TFCP2L1: variants seen among roughly 807,000 people sequenced by gnomAD.
TFCP2L1 encodes transcription factor CP2-like protein 1.
A neutral mutation model predicts 72.2 loss-of-function variants in TFCP2L1; 12 were observed. That is an observed-to-expected ratio of 0.17 (90% CI 0.11 to 0.27). TFCP2L1 has a LOEUF of 0.27. Ranked by LOEUF, TFCP2L1 falls within the 10% of genes least tolerant of loss-of-function variation. The probability of loss-of-function intolerance (pLI) is 1.00; values close to 1 mark genes in which losing one functional copy is unlikely to be tolerated. For synonymous variants in TFCP2L1, 260 were observed against 251.0 expected, an observed-to-expected ratio of 1.04 and a Z score of -0.34; for missense variants, 488 against 624.6, an observed-to-expected ratio of 0.78 and a Z score of 2.33.
At chr2:121,280,215 C>G (rs1400651206) in intron 2 of TFCP2L1, among the ~76,000 whole-genome samples, 1 of 151,372 alleles carries the variant, frequency 6.6e-6, no homozygotes, top group Non-Finnish European at 1.5e-5. Flanking sequence ...AAAGGCAGCT[C>G]CAAGTCACAG....
intron 2 of TFCP2L1, among the ~76,000 whole-genome samples, chr2:121,251,374 C>T (rs576277919): frequency 6.6e-6 from 1 of 152,272 alleles, no homozygotes; most frequent in East Asian, 1.9e-4. Context: ...TTCGATTTCT[C>T]TGGGTTTTGC....
At chr2:121,250,346 T>TTTTATATA (rs1553433397) in intron 2 of TFCP2L1, among the ~76,000 whole-genome samples, 1 of 142,024 alleles carries the variant, frequency 7.0e-6, no homozygotes, top group African/African-American at 2.7e-5. Context: ...CAGAAGACTG[T>TTTTATATA]TATATATATA....
intron 1 of TFCP2L1, among the ~76,000 whole-genome samples, chr2:121,284,264 C>A (rs1398303778): frequency 6.6e-6 from 1 of 152,180 alleles, no homozygotes; most frequent in Non-Finnish European, 1.5e-5. Context: ...TAAGGACAGG[C>A]TAAAGCTGGT....
In TFCP2L1 at chr2:121,281,226, C is replaced by A. The variant is rs763242950; in HGVS notation, c.108G>T (p.Leu36=). ...LPIFKQEEPQ[L]SPENEARLPP... ...GCAGGCGGGCCTCGTTCTCGGGGGA[C>A]AGCTGGGGTTCCTCCTGCTTGAAGA... Residue 36 remains leucine, a synonymous_variant, in exon 2 of 15, where the codon CTG becomes CTT. Coordinates refer to ENST00000263707, the MANE Select transcript of TFCP2L1 (RefSeq NM_014553.3). 3.8e-5 allele frequency: 61 copies of A among 1,611,722 alleles called. No homozygotes were observed. The highest frequency in any genetic ancestry group is 5.4e-5 in the African/African-American group (4 of 74,752).
intron 1 of TFCP2L1, among the ~76,000 whole-genome samples, chr2:121,283,250 G>C (rs1344669768): frequency 2.0e-5 from 3 of 152,116 alleles, no homozygotes; most frequent in Admixed American, 1.3e-4. Flanking sequence ...GGGAGTAAAG[G>C]CCTCTACCCT....
chr2:121,249,983 C>T (rs116434889), intron 2 of TFCP2L1, among the ~76,000 whole-genome samples: 2,740 of 152,302 alleles, frequency 0.018, 73 homozygotes, highest in African/African-American at 0.062. Context: ...ACAAACCCCC[C>T]AATACAACGG....
chr2:121,242,974 C>G (rs576007730), intron 6 of TFCP2L1, among the ~76,000 whole-genome samples: 1 of 152,190 alleles, frequency 6.6e-6, no homozygotes, highest in African/African-American at 2.4e-5. Context: ...CTTTGCAAAC[C>G]GGGGCAACTT....
intron 8 of TFCP2L1, among the ~76,000 whole-genome samples, chr2:121,239,356 G>A (rs755865): frequency 0.1 from 15,752 of 152,240 alleles, 918 homozygotes; most frequent in Middle Eastern, 0.15. Context: ...GTTCTGGGCC[G>A]CTGTCCCACC....
rs1685939792 is a variant in TFCP2L1, at chr2:121,222,161, G to A, written c.*2180C>T. ...AAGACAGATAATAGCAAGTGTTGAT[G>A]AGGATGTAGACAAATTGAAACCTGG... On this transcript the variant is annotated 3_prime_UTR_variant, in exon 15 of 15. Transcript: ENST00000263707. 1.3e-5 allele frequency: 2 copies of A among 152,208 alleles called. No homozygotes were observed. Among genetic ancestry groups the A allele is most frequent in the Non-Finnish European group, 2.9e-5 (2 of 68,042 alleles). The allele number at this position is 152,208 out of a possible 1,614,324, so 9.4% of individuals were successfully genotyped here. A position where few individuals can be genotyped will look rare whatever the true frequency, so the allele number is the denominator to read the frequency against.
At chr2:121,229,656 T>C (rs139831656) in intron 13 of TFCP2L1, among the ~76,000 whole-genome samples, 99 of 152,320 alleles carry the variant, frequency 6.5e-4, no homozygotes, top group African/African-American at 2.4e-3. Context: ...TCACAGTCAA[T>C]GACACCACCC....
At chr2:121,254,044 A>T (rs1483414634) in intron 2 of TFCP2L1, among the ~76,000 whole-genome samples, 5 of 152,102 alleles carry the variant, frequency 3.3e-5, no homozygotes, top group Non-Finnish European at 5.9e-5. Context: ...GCACAAGGGC[A>T]TTTCTCTGCC....
chr2:121,239,755 A>C (rs1573366659), intron 7 of TFCP2L1, 106 bp from the exon 8 acceptor site: 1 of 1,090,150 alleles, frequency 9.2e-7, no homozygotes, highest in Non-Finnish European at 1.3e-6. Flanking sequence ...TGAGACCCCC[A>C]CCTGTGAAAC....
intron 1 of TFCP2L1, among the ~76,000 whole-genome samples, chr2:121,282,210 G>A (rs912792693): frequency 5.3e-5 from 8 of 151,352 alleles, no homozygotes; most frequent in Non-Finnish European, 1.2e-4. Flanking sequence ...TGGGATTACA[G>A]GTGTGAGCCA....
intron 8 of TFCP2L1, among the ~76,000 whole-genome samples, chr2:121,239,131 A>G (rs1686310250): frequency 6.6e-6 from 1 of 152,112 alleles, no homozygotes; most frequent in African/African-American, 2.4e-5. Context: ...TCTGTGTTGT[A>G]AGGCCTGAAA....
intron 10 of TFCP2L1, among the ~76,000 whole-genome samples, chr2:121,235,574 C>CTTT (rs34634906): frequency 5.8e-5 from 7 of 119,806 alleles, no homozygotes; most frequent in African/African-American, 1.3e-4. Context: ...TTCTTTCTTT[C>CTTT]TTTTTTTTTT....
chr2:121,233,145 C>G (rs1686178494), intron 12 of TFCP2L1, among the ~76,000 whole-genome samples: 1 of 152,156 alleles, frequency 6.6e-6, no homozygotes, highest in Non-Finnish European at 1.5e-5. Context: ...GAATGAGACT[C>G]CATCTCTACA....
At chr2:121,228,647 TC>T (rs1686079930) in intron 13 of TFCP2L1, among the ~76,000 whole-genome samples, 1 of 151,016 alleles carries the variant, frequency 6.6e-6, no homozygotes, top group Admixed American at 6.6e-5. Flanking sequence ...ATGCCTGTGG[TC>T]CCAGCTACTC....
Position 121,224,135 on chromosome 2 carries a change from G to A in TFCP2L1, c.*206C>T. 3.3e-6 allele frequency: 2 copies of A among 600,928 alleles called. No individual in the cohort carries two copies. Among genetic ancestry groups the A allele is most frequent in the Non-Finnish European group, 5.9e-6 (2 of 338,532 alleles). The allele number at this position is 600,928 out of a possible 1,614,324, so 37.2% of individuals were successfully genotyped here. ...CAAAATCTGGAGGCCAAGAGGAAGG[G>A]AGAAAGGAGCCACTGGCTTTCTGTA... On this transcript the variant is annotated 3_prime_UTR_variant, in exon 15 of 15. Transcript: ENST00000263707.
rs1053187867 is a variant in TFCP2L1, at chr2:121,223,107, G to A, written c.*1234C>T. On this transcript the variant is annotated 3_prime_UTR_variant, in exon 15 of 15. Transcript: ENST00000263707. ...CAGTCTAGCACTTCATTCCACAGAAGCTCCATTTAGAAGCTATGACATCCC... is the reference window on the plus strand; with the variant it reads ...CAGTCTAGCACTTCATTCCACAGAAACTCCATTTAGAAGCTATGACATCCC... 6.6e-6 allele frequency: 1 copy of A among 152,126 alleles called. No individual in the cohort carries two copies. The highest frequency in any genetic ancestry group is 2.4e-5 in the African/African-American group (1 of 41,402). 9.4% of individuals were successfully genotyped at this position (152,126 alleles called of 1,614,324 possible).
Sources: allele counts gnomAD v4.1 joint callset (sites outside exome capture counted in the v4.1 genomes callset), GRCh38; gene constraint gnomAD v4.1.1; transcripts MANE v1.5; gene names NCBI Gene and HGNC (gene_info 2026-07-23, HGNC 2026-07-21).